PCDH15: variants seen among roughly 807,000 people sequenced by gnomAD.
The protein encoded by PCDH15 is protocadherin related 15, also known as protocadherin-15.
In PCDH15, 129 loss-of-function variants were observed where a neutral mutation model predicts 178.5. The ratio of observed to expected loss-of-function variants is 0.72; its 90% CI spans 0.63 to 0.84. The LOEUF (loss-of-function observed/expected upper bound fraction) is 0.84, where lower values mean the gene tolerates loss of function less well. Ranked by LOEUF, PCDH15 falls within the 40% of genes least tolerant of loss-of-function variation. The pLI is 0.00. For missense variants in PCDH15, 2,230 were observed against 2,099.9 expected, an observed-to-expected ratio of 1.06 and a Z score of -1.21; for synonymous variants, 800 against 732.0, an observed-to-expected ratio of 1.09 and a Z score of -1.50.
chr10:55,356,127 A>G (rs920823376), intron 2 of PCDH15, among the ~76,000 whole-genome samples: 5 of 151,964 alleles, frequency 3.3e-5, no homozygotes, highest in Non-Finnish European at 5.9e-5. Flanking sequence ...ATTTGAAGTC[A>G]TTATTAACTG....
chr10:55,208,457 C>G (rs1194434054), intron 1 of PCDH15, among the ~76,000 whole-genome samples: 1 of 152,038 alleles, frequency 6.6e-6, no homozygotes, highest in Non-Finnish European at 1.5e-5. Context: ...CCCACATACT[C>G]TAAACTTAGT....
intron 32 of PCDH15, chr10:53,821,617 C>T: frequency 1.6e-6 from 2 of 1,235,434 alleles, no homozygotes. Context: ...ACTTACTTTT[C>T]AAATAAATGT....
At chr10:54,084,917 G>T (rs768253543) in intron 16 of PCDH15, among the ~76,000 whole-genome samples, 10 of 152,116 alleles carry the variant, frequency 6.6e-5, no homozygotes, top group Admixed American at 2.6e-4. Context: ...TATTTAAAGA[G>T]ATTAGAGTAT....
At chr10:55,233,602 AT>A (rs555902457) in intron 1 of PCDH15, among the ~76,000 whole-genome samples, 1 of 151,798 alleles carries the variant, frequency 6.6e-6, no homozygotes, top group Non-Finnish European at 1.5e-5. Context: ...AAACTTTACC[AT>A]TTTTTTCTCC....
chr10:54,516,472 G>T (rs1330882956), intron 3 of PCDH15, among the ~76,000 whole-genome samples: 7 of 152,094 alleles, frequency 4.6e-5, no homozygotes, highest in Admixed American at 1.3e-4. Flanking sequence ...GATGGAAGAT[G>T]AAATGAATGA....
Position 54,947,274 on chromosome 10 carries a change from G to C in PCDH15, c.-79-49774C>G, listed in dbSNP as rs192552954. 5.3e-5 allele frequency among the ~76,000 whole-genome samples: 8 copies of C among 151,994 alleles called. No individual in the cohort carries two copies. The East Asian group carries it at 1.5e-3, about 29-fold the overall frequency. On this transcript the variant is annotated intron_variant, in intron 2 of 5. Coordinates refer to the PCDH15 transcript ENST00000458638. ...GTCCCTTTAGAAGCCTAGAAATTTTGTCTCAGTGTTACTAACCATTAACAA... is the reference window on the plus strand; with the variant it reads ...GTCCCTTTAGAAGCCTAGAAATTTTCTCTCAGTGTTACTAACCATTAACAA...
rs7342012 is a variant in PCDH15 at position 54,329,807 on chromosome 10, C to T, written c.595-101G>A. On this transcript the variant is annotated intron_variant, in intron 6 of 37. Transcript: ENST00000644397. Reference sequence around the variant, plus strand: ...CCTCTTGGAAGTTAGAGATGACATGCTTATCATCTGAAAATAGAATGACTA... The same window carrying T: ...CCTCTTGGAAGTTAGAGATGACATGTTTATCATCTGAAAATAGAATGACTA... 0.11 allele frequency: 87,834 copies of T among 793,134 alleles called. 5,696 individuals carry two copies. The highest frequency in any genetic ancestry group is 0.21 in the Middle Eastern group (651 of 3,142). The allele number at this position is 793,134 out of a possible 1,614,324, so 49.1% of individuals were successfully genotyped here.
chr10:54,748,070 G>T (rs1945710394), intron 1 of PCDH15, among the ~76,000 whole-genome samples: 1 of 151,970 alleles, frequency 6.6e-6, no homozygotes. Flanking sequence ...CTCCCAAAGT[G>T]CTGGAATTAC....
intron 2 of PCDH15, among the ~76,000 whole-genome samples, chr10:55,374,122 T>A (rs1040020652): frequency 7.2e-6 from 1 of 139,752 alleles, no homozygotes; most frequent in African/African-American, 2.6e-5. Flanking sequence ...ATAATAATAA[T>A]AAAAGAATGG....
intron 1 of PCDH15, among the ~76,000 whole-genome samples, chr10:55,317,836 G>A (rs892981910): frequency 5.9e-5 from 9 of 152,212 alleles, no homozygotes; most frequent in South Asian, 2.1e-4. Flanking sequence ...GGGGTTGGTC[G>A]CCTGCACGCA....
intron 2 of PCDH15, among the ~76,000 whole-genome samples, chr10:54,657,573 C>T (rs140841422): frequency 7.2e-4 from 110 of 152,238 alleles, no homozygotes; most frequent in South Asian, 1.2e-3. Flanking sequence ...CAACAGGCAA[C>T]ATTCAAGAAA....
intron 2 of PCDH15, among the ~76,000 whole-genome samples, chr10:55,165,969 C>G (rs571855404): frequency 1.3e-5 from 2 of 152,120 alleles, no homozygotes; most frequent in African/African-American, 2.4e-5. Context: ...ATACAATTCT[C>G]CTAACTTTCA....
chr10:54,156,496 A>C (rs1288299696), intron 13 of PCDH15, among the ~76,000 whole-genome samples: 1 of 152,176 alleles, frequency 6.6e-6, no homozygotes, highest in East Asian at 1.9e-4. Flanking sequence ...ATCTCATGAG[A>C]CTTGCTCACT....
chr10:55,247,601 C>G (rs1462292670), intron 1 of PCDH15, among the ~76,000 whole-genome samples: 1 of 150,780 alleles, frequency 6.6e-6, no homozygotes, highest in Admixed American at 6.6e-5. Context: ...ATGTTTATCA[C>G]CATTATAATT....
At chr10:54,781,094 A>G (rs1950313940) in intron 1 of PCDH15, among the ~76,000 whole-genome samples, 1 of 152,168 alleles carries the variant, frequency 6.6e-6, no homozygotes, top group South Asian at 2.1e-4. Flanking sequence ...TTCACACCAT[A>G]AAACATTTTG....
intron 2 of PCDH15, among the ~76,000 whole-genome samples, chr10:55,601,487 A>G (rs958326375): frequency 1.3e-5 from 2 of 152,152 alleles, no homozygotes; most frequent in Non-Finnish European, 2.9e-5. Flanking sequence ...TTTAAACTAG[A>G]TCATGCAGAA....
intron 15 of PCDH15, among the ~76,000 whole-genome samples, chr10:54,122,924 A>G (rs1243307136): frequency 1.3e-5 from 2 of 151,860 alleles, no homozygotes; most frequent in East Asian, 3.9e-4. Context: ...TGTGGAAAGG[A>G]CTCCCTATTC....
intron 18 of PCDH15, among the ~76,000 whole-genome samples, chr10:54,049,981 A>G (rs2093733459): frequency 6.6e-6 from 1 of 152,060 alleles, no homozygotes; most frequent in African/African-American, 2.4e-5. Context: ...TTTGTTGAAG[A>G]TTTTTATGTC....
At chr10:55,174,161 C>A (rs9299558) in intron 1 of PCDH15, among the ~76,000 whole-genome samples, 72,131 of 151,874 alleles carry the variant, frequency 0.47, 17,368 homozygotes, top group East Asian at 0.68. Context: ...GCTTACTTTT[C>A]TTTTTTGGAA....
Sources: allele counts gnomAD v4.1 joint callset (sites outside exome capture counted in the v4.1 genomes callset), GRCh38; gene constraint gnomAD v4.1.1; transcripts MANE v1.5; gene names NCBI Gene and HGNC (gene_info 2026-07-23, HGNC 2026-07-21).